The following RLN2 variants were observed in gnomAD, a reference collection of about 807,000 sequenced individuals.
RLN2 encodes relaxin 2.
Under a neutral mutation model 7.3 loss-of-function variants are expected in RLN2, and 10 were observed. The observed-to-expected ratio is 1.36, with a 90% CI of 0.84 to 2.31. The LOEUF (loss-of-function observed/expected upper bound fraction) is 2.31, where lower values mean the gene tolerates loss of function less well. Ranked by LOEUF, RLN2 falls within the 30% of genes most tolerant of loss-of-function variation. The pLI, the probability that RLN2 is intolerant of heterozygous loss-of-function variation, is 0.00. For missense variants in RLN2, 298 were observed against 217.6 expected, an observed-to-expected ratio of 1.37 and a Z score of -2.32; for synonymous variants, 103 against 82.3, an observed-to-expected ratio of 1.25 and a Z score of -1.36.
chr9:5,318,007 CGTGT>C, the RLN2 span, among the ~76,000 whole-genome samples: 3 of 147,946 alleles, frequency 2.0e-5, no homozygotes, highest in Non-Finnish European at 3.0e-5. Context: ...TGTGTGTGTG[CGTGT>C]GTGTGTGTGT....
the RLN2 span, among the ~76,000 whole-genome samples, chr9:5,315,350 G>A: frequency 1.3e-5 from 2 of 150,446 alleles, no homozygotes; most frequent in African/African-American, 4.9e-5. Context: ...ACTAGATCAA[G>A]CACAAGGAAG....
At chr9:5,331,814 A>G in the RLN2 span, among the ~76,000 whole-genome samples, 1 of 152,056 alleles carries the variant, frequency 6.6e-6, no homozygotes, top group Admixed American at 6.6e-5. Flanking sequence ...CTTAAAGTAT[A>G]ATAAACAAAC....
At chr9:5,329,831 G>A in the RLN2 span, among the ~76,000 whole-genome samples, 1 of 151,822 alleles carries the variant, frequency 6.6e-6, no homozygotes, top group East Asian at 1.9e-4. Flanking sequence ...ACACCCCACT[G>A]TCAATAATAG....
chr9:5,299,993 A>G lies in RLN2; in HGVS notation c.*105T>C. 2 of 652,222 alleles carry G rather than the reference A, an allele frequency of 3.1e-6. No homozygotes were observed. The highest frequency in any genetic ancestry group is 5.1e-6 in the Non-Finnish European group (2 of 392,320). The allele number at this position is 652,222 out of a possible 1,614,324, so 40.4% of individuals were successfully genotyped here. A position where few individuals can be genotyped will look rare whatever the true frequency, so the allele number is the denominator to read the frequency against. On this transcript the variant is annotated 3_prime_UTR_variant, in exon 2 of 2. Coordinates refer to ENST00000381627, the MANE Select transcript of RLN2 (RefSeq NM_134441.3). ...TGATGGGACCTAATATCTAACAAAG[A>G]TTCTTAGATATTCTAAGAATTGATG...
At chr9:5,315,641 T>A in the RLN2 span, among the ~76,000 whole-genome samples, 2 of 152,094 alleles carry the variant, frequency 1.3e-5, no homozygotes, top group Non-Finnish European at 2.9e-5. Flanking sequence ...CCTCTCCAAG[T>A]TGCATTACAA....
upstream of RLN2, among the ~76,000 whole-genome samples, chr9:5,309,070 T>G (rs897287596): frequency 6.6e-6 from 1 of 152,094 alleles, no homozygotes; most frequent in Non-Finnish European, 1.5e-5. Flanking sequence ...TCACTTGTCA[T>G]ATGTTTGGCC....
intron 1 of RLN2, chr9:5,304,118 C>T (rs1816186205): frequency 8.6e-6 from 3 of 350,578 alleles, no homozygotes; most frequent in Non-Finnish European, 1.4e-5. Context: ...AAGGAACTCT[C>T]GGGTGAAGCA....
chr9:5,306,102 G>GGTTT (rs1554618110), upstream of RLN2, among the ~76,000 whole-genome samples: 10 of 123,430 alleles, frequency 8.1e-5, 1 homozygote, highest in African/African-American at 3.0e-4. Flanking sequence ...CTTTGTTTTT[G>GGTTT]TTTTTTGTTT....
chr9:5,325,481 A>AG, the RLN2 span, among the ~76,000 whole-genome samples: 31 of 152,226 alleles, frequency 2.0e-4, no homozygotes, highest in Middle Eastern at 3.4e-3. Flanking sequence ...GAGCTTAATA[A>AG]AGCAATAGAG....
At chr9:5,321,072 C>T in the RLN2 span, among the ~76,000 whole-genome samples, 6 of 152,096 alleles carry the variant, frequency 3.9e-5, no homozygotes, top group East Asian at 1.9e-4. Flanking sequence ...AAACATAAGA[C>T]TATTCTTCTA....
chr9:5,336,208 C>G, the RLN2 span, among the ~76,000 whole-genome samples: 3 of 152,066 alleles, frequency 2.0e-5, no homozygotes, highest in East Asian at 5.8e-4. Flanking sequence ...ACTAATTACT[C>G]CAAATCAATA....
chr9:5,304,919 G>C (rs979955479), upstream of RLN2: 12 of 246,304 alleles, frequency 4.9e-5, no homozygotes, highest in African/African-American at 2.5e-4. Flanking sequence ...CTGAGGTAAA[G>C]TCATTTTAGA....
chr9:5,321,990 G>T, the RLN2 span, among the ~76,000 whole-genome samples: 1,246 of 152,112 alleles, frequency 8.2e-3, 35 homozygotes, highest in African/African-American at 0.028. Flanking sequence ...GAACAGGAAG[G>T]TATAGAATTT....
chr9:5,315,438 C>A, the RLN2 span, among the ~76,000 whole-genome samples: 2 of 150,852 alleles, frequency 1.3e-5, no homozygotes, highest in South Asian at 2.1e-4. Context: ...GTGAAGACAG[C>A]CAATGGGACA....
At chr9:5,323,156 T>A in the RLN2 span, among the ~76,000 whole-genome samples, 3 of 151,836 alleles carry the variant, frequency 2.0e-5, no homozygotes, top group Non-Finnish European at 4.4e-5. Flanking sequence ...CACTCCCCAG[T>A]ACCCCCAAAT....
At chr9:5,309,231 T>A (rs1164937057), upstream of RLN2, among the ~76,000 whole-genome samples, 2 of 152,076 alleles carry the variant, frequency 1.3e-5, no homozygotes, top group Non-Finnish European at 2.9e-5. Context: ...ATGTGTTCTA[T>A]GGTTCTCAGG....
upstream of RLN2, among the ~76,000 whole-genome samples, chr9:5,309,310 C>G (rs935842211): frequency 1.3e-5 from 2 of 152,066 alleles, no homozygotes; most frequent in Non-Finnish European, 2.9e-5. Flanking sequence ...ATTAGTCTCT[C>G]TAATACAGAA....
Position 5,304,607 on chromosome 9 carries a change from G to C in RLN2, c.-27C>G, listed in dbSNP as rs376585369. On this transcript the variant is annotated 5_prime_UTR_variant, in exon 1 of 2. Transcript: ENST00000381627. ...CTGGGCCTGGTCTCTCCTGGAGGTC[G>C]GGACGTTGCAGCCTTTCAGGACTGC... The C allele has an allele frequency of 1.2e-5, 19 of 1,605,478 alleles. 1 individual carries two copies. The South Asian group carries it at 2.1e-4, about 18-fold the overall frequency.
chr9:5,317,145 CAACA>C, the RLN2 span, among the ~76,000 whole-genome samples: 2 of 151,724 alleles, frequency 1.3e-5, no homozygotes, highest in African/African-American at 2.4e-5. Context: ...CAAAGATAAA[CAACA>C]AACAAAGGAT....
Sources: allele counts gnomAD v4.1 joint callset (sites outside exome capture counted in the v4.1 genomes callset), GRCh38; gene constraint gnomAD v4.1.1; transcripts MANE v1.5; gene names NCBI Gene and HGNC (gene_info 2026-07-23, HGNC 2026-07-21).